TNRC6C: variants seen among roughly 807,000 people sequenced by gnomAD.
TNRC6C encodes trinucleotide repeat containing adaptor 6C, also known as trinucleotide repeat-containing gene 6C protein.
A neutral mutation model predicts 153.7 loss-of-function variants in TNRC6C; 20 were observed. The observed-to-expected ratio is 0.13, with a 90% confidence interval of 0.09 to 0.19. The LOEUF (loss-of-function observed/expected upper bound fraction) is 0.19, where lower values mean the gene tolerates loss of function less well. TNRC6C is among the 10% of genes least tolerant of loss of function. TNRC6C has a pLI of 1.00. For missense variants in TNRC6C, 1,987 were observed against 2,172.0 expected, an observed-to-expected ratio of 0.91 and a Z score of 1.69; for synonymous variants, 811 against 841.4, an observed-to-expected ratio of 0.96 and a Z score of 0.63.
rs528315933 is a variant in TNRC6C, at chr17:77,977,891, CTTTTTTTTTTT to C, written c.-38+18635_-38+18645del. On this transcript the variant is annotated intron_variant, in intron 1 of 22. Transcript: ENST00000636222. ...TATCAGTATTTTTTCTTTAAAACCT[CTTTTTTTTTTT>C]TTTTTTTTTTTGAGGCAGAGTCTCG... 1.6e-4 allele frequency among the ~76,000 whole-genome samples: 18 copies of C among 114,148 alleles called. 1 individual carries two copies. The highest frequency in any genetic ancestry group is 6.3e-4 in the African/African-American group (18 of 28,392). The allele number at this position is 114,148 out of a possible 152,430, so 74.9% of individuals were successfully genotyped here.
At chr17:78,093,517 A>G in intron 15 of TNRC6C, 103 bp from the exon 18 acceptor site, 2 of 1,412,102 alleles carry the variant, frequency 1.4e-6, no homozygotes, top group Non-Finnish European at 1.9e-6. Context: ...TAATTAGCAG[A>G]TTATAAAAAT....
At chr17:78,094,324 G>C (rs917312901) in intron 16 of TNRC6C, among the ~76,000 whole-genome samples, 1 of 151,996 alleles carries the variant, frequency 6.6e-6, no homozygotes, top group Non-Finnish European at 1.5e-5. Context: ...GGAAGAGCTA[G>C]ATTGCCATAG....
chr17:78,071,654 C>T (rs904801257), intron 6 of TNRC6C, among the ~76,000 whole-genome samples: 2 of 152,190 alleles, frequency 1.3e-5, no homozygotes, highest in Admixed American at 6.5e-5. Context: ...TCCCAAAGTG[C>T]TGGGATTACA....
At chr17:78,089,194 C>T (rs2073352370) in intron 13 of TNRC6C, among the ~76,000 whole-genome samples, 1 of 152,004 alleles carries the variant, frequency 6.6e-6, no homozygotes, top group Admixed American at 6.6e-5. Flanking sequence ...TCTCAAACTC[C>T]TGACCTCAAG....
chr17:77,993,559 T>C (rs1393541620), intron 1 of TNRC6C, among the ~76,000 whole-genome samples: 1 of 152,164 alleles, frequency 6.6e-6, no homozygotes, highest in African/African-American at 2.4e-5. Flanking sequence ...CTCAGTTTGC[T>C]CCAGTAATCA....
At chr17:78,016,139 A>G (rs2071723520) in intron 1 of TNRC6C, among the ~76,000 whole-genome samples, 1 of 152,210 alleles carries the variant, frequency 6.6e-6, no homozygotes, top group South Asian at 2.1e-4. Context: ...ACCTCCAGGA[A>G]TAATTGAGAG....
intron 3 of TNRC6C, among the ~76,000 whole-genome samples, chr17:78,058,887 GT>G (rs758054966): frequency 6.6e-6 from 1 of 152,164 alleles, no homozygotes; most frequent in Non-Finnish European, 1.5e-5. Flanking sequence ...TTAAAACTTA[GT>G]TTTCTGAAAC....
chr17:77,971,555 C>T (rs1355291213), intron 1 of TNRC6C, among the ~76,000 whole-genome samples: 2 of 152,066 alleles, frequency 1.3e-5, no homozygotes, highest in African/African-American at 2.4e-5. Context: ...AGAACTGCAC[C>T]CCTGTTCTTG....
chr17:78,044,618 A>G (rs1362207582), intron 2 of TNRC6C, among the ~76,000 whole-genome samples: 2 of 152,202 alleles, frequency 1.3e-5, no homozygotes, highest in African/African-American at 4.8e-5. Context: ...TATTGTTTCA[A>G]TTGAGTTGGC....
chr17:78,000,456 T>G (rs1003042884), upstream of TNRC6C, among the ~76,000 whole-genome samples: 2 of 152,204 alleles, frequency 1.3e-5, no homozygotes, highest in Non-Finnish European at 1.5e-5. Flanking sequence ...CTATGACAAC[T>G]GCATAGCCTA....
rs1389387545 is a variant in TNRC6C, at chr17:78,006,620, TTTC to T, written c.-546+1551_-546+1553del. On this transcript the variant is annotated intron_variant, in intron 1 of 19. Transcript: ENST00000301624. ...TCTTCCTCCTTCTTCCTTCTTCTTC[TTTC>T]TTCTTCTTCCTTCTTCTTGAATTTT... 7.4e-4 allele frequency among the ~76,000 whole-genome samples: 108 copies of T among 146,638 alleles called. 2 individuals are homozygous for T. The South Asian group carries it at 7.8e-3, about 11-fold the overall frequency.
intron 1 of TNRC6C, among the ~76,000 whole-genome samples, chr17:77,980,746 C>T (rs1033305648): frequency 5.9e-5 from 9 of 152,142 alleles, no homozygotes; most frequent in Admixed American, 5.2e-4. Context: ...TCTTTGGGTT[C>T]AGTTAATTTG....
chr17:78,006,136 T>TAA (rs2071491470), intron 1 of TNRC6C, among the ~76,000 whole-genome samples: 1 of 152,212 alleles, frequency 6.6e-6, no homozygotes, highest in Admixed American at 6.5e-5. Flanking sequence ...CGTTTACAGA[T>TAA]AATCTCCTAG....
chr17:78,071,230 C>G, intron 6 of TNRC6C, 65 bp downstream of exon 8: 1 of 1,476,208 alleles, frequency 6.8e-7, no homozygotes, highest in Middle Eastern at 1.7e-4. Context: ...CTCATTGTTT[C>G]CTCTCCATGT....
chr17:78,083,841 AC>A (rs1249277625), intron 11 of TNRC6C, among the ~76,000 whole-genome samples: 5 of 152,164 alleles, frequency 3.3e-5, no homozygotes, highest in African/African-American at 9.7e-5. Context: ...AATCAGTCTT[AC>A]TGATTTTACT....
Position 78,021,183 on chromosome 17 carries a change from C to T in TNRC6C, c.-545-10333C>T, listed in dbSNP as rs546050934. ...GGGCAACACTGGGACAGTACTCAGGCATCAGTAGCACAGAAATGATGGTCA... is the reference window on the plus strand; with the variant it reads ...GGGCAACACTGGGACAGTACTCAGGTATCAGTAGCACAGAAATGATGGTCA... On this transcript the variant is annotated intron_variant, in intron 1 of 19. Coordinates refer to ENST00000301624, the Ensembl canonical transcript of TNRC6C. Among the ~76,000 whole-genome samples, 263 of 152,372 alleles carry T rather than the reference C, an allele frequency of 1.7e-3. 1 individual carries two copies. Among genetic ancestry groups the T allele is most frequent in the African/African-American group, 5.5e-3 (227 of 41,584 alleles).
At chr17:77,980,567 A>T (rs550638721) in intron 1 of TNRC6C, among the ~76,000 whole-genome samples, 4 of 152,304 alleles carry the variant, frequency 2.6e-5, no homozygotes, top group Admixed American at 1.3e-4. Context: ...TGTGGATATC[A>T]GGTGGGTACC....
Position 78,093,630 on chromosome 17 carries a change from G to A in TNRC6C, c.4173G>A (p.Pro1391=), listed in dbSNP as rs753269916. 3.5e-5 allele frequency: 57 copies of A among 1,613,726 alleles called. No individual in the cohort carries two copies. In the Admixed American group the frequency reaches 5.5e-4, roughly 16 times the overall value. ...TGGTTTCTTAAACAGAATTCCATCC[G>A]GGAGTTCCATGGAAAGGACTGCAGA... Residue 1391 remains proline (P), a synonymous_variant, in exon 16 of 20, where the codon CCG becomes CCA. Coordinates refer to ENST00000301624, the Ensembl canonical transcript of TNRC6C.
chr17:77,960,147 A>G (rs758527816), intron 1 of TNRC6C, among the ~76,000 whole-genome samples: 2 of 152,176 alleles, frequency 1.3e-5, no homozygotes, highest in Non-Finnish European at 1.5e-5. Context: ...GCACGTAATT[A>G]GTGGAGTTGT....
Sources: gnomAD v4.1 joint callset for allele counts (sites outside exome capture counted in the v4.1 genomes callset) on GRCh38, gnomAD v4.1.1 for gene constraint, MANE v1.5 for transcripts, NCBI Gene and HGNC (gene_info 2026-07-23, HGNC 2026-07-21) for gene names.